Variants in KCNJ6 observed in about 807,000 individuals in gnomAD.
KCNJ6 encodes the protein G protein-activated inward rectifier potassium channel 2.
KCNJ6 carries 9 observed loss-of-function variants against 34.2 expected under a neutral mutation model. The observed-to-expected ratio is 0.26, with a 90% CI of 0.16 to 0.46. The LOEUF (loss-of-function observed/expected upper bound fraction) is 0.46, where lower values mean the gene tolerates loss of function less well. Among genes scored for constraint, KCNJ6 ranks in the 20% least tolerant of loss-of-function variants. KCNJ6 has a pLI of 1.00. For synonymous variants in KCNJ6, 196 were observed against 207.1 expected (o/e 0.95, Z 0.46); for missense variants, 236 against 531.3 (o/e 0.44, Z 5.46).
intron 3 of KCNJ6, among the ~76,000 whole-genome samples, chr21:37,636,649 G>T (rs1314598984): frequency 6.6e-6 from 1 of 152,164 alleles, no homozygotes; most frequent in East Asian, 1.9e-4. Flanking sequence ...CTAGGATCCA[G>T]GAAAACAGAC....
chr21:37,893,092 G>A (rs2055770341), intron 1 of KCNJ6, among the ~76,000 whole-genome samples: 1 of 151,972 alleles, frequency 6.6e-6, no homozygotes, highest in African/African-American at 2.4e-5. Context: ...CTAACCTTGT[G>A]ATCCGCCTGC....
intron 3 of KCNJ6, among the ~76,000 whole-genome samples, chr21:37,649,157 A>ACAAC (rs1556013845): frequency 7.5e-6 from 1 of 133,978 alleles, no homozygotes. Flanking sequence ...AAAAAAAAGA[A>ACAAC]AGAAAAAGAA....
At chr21:37,656,881 G>C (rs2054466695) in intron 3 of KCNJ6, among the ~76,000 whole-genome samples, 2 of 152,234 alleles carry the variant, frequency 1.3e-5, no homozygotes, top group South Asian at 4.2e-4. Context: ...CTTGTCCTTT[G>C]GCCCAAGAAG....
chr21:37,697,141 A>C (rs1443445235), intron 3 of KCNJ6, among the ~76,000 whole-genome samples: 2 of 152,150 alleles, frequency 1.3e-5, no homozygotes, highest in African/African-American at 4.8e-5. Flanking sequence ...CGAGAAGACC[A>C]TAAGACGATT....
intron 2 of KCNJ6, among the ~76,000 whole-genome samples, chr21:37,823,685 C>T (rs936841670): frequency 2.6e-5 from 4 of 152,192 alleles, no homozygotes; most frequent in Non-Finnish European, 5.9e-5. Flanking sequence ...TGGGGCCTCC[C>T]CAGCCATGTG....
chr21:37,895,750 C>T (rs9984469), intron 1 of KCNJ6, among the ~76,000 whole-genome samples: 1,594 of 152,296 alleles, frequency 0.01, 12 homozygotes, highest in Middle Eastern at 0.02. Context: ...GCTTCAGAGC[C>T]ATCTCCCTCC....
intron 2 of KCNJ6, among the ~76,000 whole-genome samples, chr21:37,803,863 T>A (rs1328259205): frequency 6.6e-6 from 1 of 152,178 alleles, no homozygotes; most frequent in Non-Finnish European, 1.5e-5. Context: ...CACTCCTTCA[T>A]GGGACCAGGG....
Position 37,832,576 on chromosome 21 carries a change from A to T in KCNJ6, c.25+8082T>A, listed in dbSNP as rs112880511. 9.8e-3 allele frequency among the ~76,000 whole-genome samples: 1,489 copies of T among 152,060 alleles called. 32 individuals are homozygous for T. The highest frequency in any genetic ancestry group is 0.033 in the African/African-American group (1,363 of 41,474). On this transcript the variant is annotated intron_variant, in intron 2 of 3. Transcript: ENST00000609713. ...GCTGGGACCCAGGCTTTGTCTTTGT[A>T]GGCAGGTGGTTCTGGAGGCATGGGG...
intron 2 of KCNJ6, among the ~76,000 whole-genome samples, chr21:37,736,982 C>T (rs150299222): frequency 6.6e-6 from 1 of 152,356 alleles, no homozygotes; most frequent in African/African-American, 2.4e-5. Flanking sequence ...TTTCTCCTGA[C>T]ATGAGTTTCC....
intron 1 of KCNJ6, among the ~76,000 whole-genome samples, chr21:37,892,361 A>C (rs1424361288): frequency 6.6e-6 from 1 of 152,204 alleles, no homozygotes; most frequent in Non-Finnish European, 1.5e-5. Context: ...CTCAGTTTTT[A>C]ATAGTTATTA....
intron 2 of KCNJ6, among the ~76,000 whole-genome samples, chr21:37,809,647 G>A (rs897258985): frequency 1.3e-5 from 2 of 152,174 alleles, no homozygotes; most frequent in African/African-American, 2.4e-5. Context: ...AATATAAAAA[G>A]TAAAAATCTC....
intron 2 of KCNJ6, among the ~76,000 whole-genome samples, chr21:37,803,286 G>A (rs993796631): frequency 2.6e-5 from 4 of 152,118 alleles, no homozygotes; most frequent in Non-Finnish European, 5.9e-5. Flanking sequence ...TCCCATTTTA[G>A]TGCCTTCCTT....
chr21:37,633,149 T>C (rs1345526834), intron 3 of KCNJ6, among the ~76,000 whole-genome samples: 1 of 152,194 alleles, frequency 6.6e-6, no homozygotes, highest in Non-Finnish European at 1.5e-5. Flanking sequence ...CATGATCAAG[T>C]TGGGTTTATT....
At chr21:37,829,855 G>T (rs77939318) in intron 2 of KCNJ6, among the ~76,000 whole-genome samples, 1 of 152,174 alleles carries the variant, frequency 6.6e-6, no homozygotes, top group African/African-American at 2.4e-5. Flanking sequence ...CCCCAGAGCC[G>T]GGCTTTCCAT....
intron 2 of KCNJ6, among the ~76,000 whole-genome samples, chr21:37,774,159 G>A (rs1229159348): frequency 6.6e-6 from 1 of 152,086 alleles, no homozygotes; most frequent in East Asian, 1.9e-4. Context: ...CTGGAGTCAG[G>A]TTCTGCCCCT....
chr21:37,856,849 T>C (rs919797077), intron 1 of KCNJ6, among the ~76,000 whole-genome samples: 1 of 152,136 alleles, frequency 6.6e-6, no homozygotes, highest in African/African-American at 2.4e-5. Context: ...TTGTATGGTT[T>C]GGGTATTGAC....
At position 37,629,207 on chromosome 21, in the gene KCNJ6, A is replaced by G. The variant is rs867396306; in HGVS notation, c.947-3723T>C. ...GTAAATATAAATGTTTTTCTCCAGC[A>G]TGATTTTAAGGTTATTCCATTTTAT... On this transcript the variant is annotated intron_variant, in intron 3 of 3. Transcript: ENST00000609713. Among the ~76,000 whole-genome samples the G allele has an allele frequency of 4.6e-5, 7 of 152,238 alleles. No homozygotes were observed. In the South Asian group the frequency reaches 1.2e-3, roughly 27 times the overall value.
chr21:37,669,317 C>G (rs934815625), intron 3 of KCNJ6, among the ~76,000 whole-genome samples: 4 of 152,248 alleles, frequency 2.6e-5, no homozygotes, highest in Non-Finnish European at 5.9e-5. Context: ...ATGACCAAGC[C>G]GTAACCCAGT....
rs905355567 is a variant in KCNJ6 at position 37,715,012 on chromosome 21, T to A, written c.145A>T (p.Thr49Ser). The A allele has an allele frequency of 6.2e-7, 1 of 1,614,216 alleles. No homozygotes were observed. The highest frequency in any genetic ancestry group is 2.2e-5 in the East Asian group (1 of 44,864). The change falls in exon 3 of 4, where the codon ACC (threonine) becomes TCC (serine). Residue 49 changes from threonine to serine, a missense_variant. Physicochemically the swap from Thr to Ser is moderately conservative, Grantham distance 58. This residue lies in a region of KCNJ6 where 64 missense variants were observed against 68.9 expected (regional missense o/e 0.93). Coordinates refer to ENST00000609713, the MANE Select transcript of KCNJ6 (RefSeq NM_002240.5). ...DLPRHISRDR[T>S]KRKIQRYVRK... The stretch of plus-strand genomic sequence containing the variant: ...ACGTACCTCTGGATTTTCCTTTTGG[T>A]CCGATCTCGGCTGATGTGTCTTGGC...
Sources: gnomAD v4.1 joint callset for allele counts (sites outside exome capture counted in the v4.1 genomes callset) on GRCh38, gnomAD v4.1.1 for gene constraint, gnomAD v4.1.1 regional missense constraint, MANE v1.5 for transcripts, NCBI Gene and HGNC (gene_info 2026-07-23, HGNC 2026-07-21) for gene names.